Variants in EMCN observed in about 807,000 individuals in gnomAD.
EMCN encodes MUC-14.
Under a neutral mutation model 38.4 loss-of-function variants are expected in EMCN, and 37 were observed. That is an observed-to-expected ratio of 0.96 (90% CI 0.74 to 1.27). The LOEUF is 1.27. Among genes scored for constraint, EMCN ranks in the 50% most tolerant of loss-of-function variants. The pLI is 0.00. For missense variants in EMCN, 318 were observed against 302.8 expected (o/e 1.05, Z -0.37); for synonymous variants, 95 against 100.8 (o/e 0.94, Z 0.35).
At chr4:100,459,615 C>T (rs1257768299) in intron 4 of EMCN, among the ~76,000 whole-genome samples, 1 of 152,142 alleles carries the variant, frequency 6.6e-6, no homozygotes, top group Non-Finnish European at 1.5e-5. Context: ...AACTACCATT[C>T]TACTCTCTAT....
At chr4:100,504,688 C>T (rs536629545) in intron 1 of EMCN, among the ~76,000 whole-genome samples, 5 of 152,340 alleles carry the variant, frequency 3.3e-5, no homozygotes, top group East Asian at 1.9e-4. Context: ...GTGACGCCAG[C>T]GTCTGGGAAG....
rs1578404616 is a variant in EMCN, at chr4:100,425,581, T to C, written c.416-2177A>G. ...CCACATATATACATGGAGATTATAA[T>C]AGTTCTACATCATGGTATTGTGAAA... On this transcript the variant is annotated intron_variant, in intron 5 of 11. Coordinates refer to ENST00000296420, the MANE Select transcript of EMCN (RefSeq NM_016242.4). Among the ~76,000 whole-genome samples the C allele has an allele frequency of 3.3e-5, 5 of 152,210 alleles. 1 individual carries two copies. Among genetic ancestry groups the C allele is most frequent in the Admixed American group, 3.3e-4 (5 of 15,260 alleles).
At chr4:100,451,698 A>G (rs144039507) in intron 4 of EMCN, among the ~76,000 whole-genome samples, 181 of 152,122 alleles carry the variant, frequency 1.2e-3, no homozygotes, top group Admixed American at 2.5e-3. Context: ...CAGGGTTTTA[A>G]TCTTTTAAAT....
chr4:100,416,926 A>G (rs1234961391), intron 9 of EMCN, among the ~76,000 whole-genome samples, 191 bp downstream of exon 9: 1 of 152,088 alleles, frequency 6.6e-6, no homozygotes, highest in African/African-American at 2.4e-5. Context: ...CCATTTTACC[A>G]TTCTAAGATT....
intron 11 of EMCN, among the ~76,000 whole-genome samples, chr4:100,407,123 G>A (rs977067841): frequency 4.6e-5 from 7 of 152,110 alleles, no homozygotes; most frequent in Admixed American, 2.0e-4. Flanking sequence ...GTCCTTGAAT[G>A]TGAGATTGGT....
Position 100,417,034 on chromosome 4 carries a change from C to A in EMCN, c.689+83G>T, listed in dbSNP as rs565782775. 2.3e-5 allele frequency: 32 copies of A among 1,368,502 alleles called. No individual in the cohort carries two copies. The East Asian group carries it at 5.5e-4, about 24-fold the overall frequency. 84.8% of individuals were successfully genotyped at this position (1,368,502 alleles called of 1,614,324 possible). A position where few individuals can be genotyped will look rare whatever the true frequency, so the allele number is the denominator to read the frequency against. ...AGATTTTCTACACTTTAGAAATAAT[C>A]CAAAAAAGTATAAGTAGAGTAACAA... On this transcript the variant is annotated intron_variant, in intron 9 of 11. Transcript: ENST00000296420.
chr4:100,447,524 A>G lies in EMCN; in HGVS notation c.415+9T>C, dbSNP rs753967833. On this transcript the variant is annotated intron_variant, in intron 5 of 11. Transcript: ENST00000296420. ...ATACTAAGAGAGAGACAGAGAAAAA[A>G]GAGCTTACCTGGTATTTCTGTTGTT... The G allele has an allele frequency of 5.0e-6, 8 of 1,598,084 alleles. No homozygotes were observed. The highest frequency in any genetic ancestry group is 5.1e-6 in the Non-Finnish European group (6 of 1,167,180).
intron 1 of EMCN, among the ~76,000 whole-genome samples, chr4:100,497,046 T>G (rs1729224936): frequency 1.3e-5 from 2 of 151,842 alleles, no homozygotes; most frequent in African/African-American, 4.8e-5. Flanking sequence ...AGAAATAAAG[T>G]CAGGGAAGCC....
At chr4:100,450,649 T>C (rs937008156) in intron 4 of EMCN, among the ~76,000 whole-genome samples, 2 of 152,000 alleles carry the variant, frequency 1.3e-5, no homozygotes, top group Non-Finnish European at 2.9e-5. Context: ...ACTTCTCATC[T>C]GGCTAAACCA....
intron 4 of EMCN, among the ~76,000 whole-genome samples, chr4:100,457,429 T>C (rs1728049952): frequency 6.6e-6 from 1 of 152,226 alleles, no homozygotes; most frequent in African/African-American, 2.4e-5. Context: ...ATAAAGTTAC[T>C]TGTGGACTTT....
At chr4:100,516,466 T>A (rs1344821195) in intron 1 of EMCN, among the ~76,000 whole-genome samples, 1 of 152,090 alleles carries the variant, frequency 6.6e-6, no homozygotes, top group Non-Finnish European at 1.5e-5. Flanking sequence ...ATATTTTCCA[T>A]GGGATTGAGA....
At chr4:100,444,364 A>G (rs1321631533) in intron 5 of EMCN, among the ~76,000 whole-genome samples, 1 of 152,166 alleles carries the variant, frequency 6.6e-6, no homozygotes, top group Non-Finnish European at 1.5e-5. Flanking sequence ...TGTGTGCCAA[A>G]GGCTCTGAGC....
At chr4:100,494,627 T>C (rs962892765) in intron 1 of EMCN, among the ~76,000 whole-genome samples, 1 of 151,970 alleles carries the variant, frequency 6.6e-6, no homozygotes, top group African/African-American at 2.4e-5. Context: ...AAGACACAGA[T>C]GAGGACAGAA....
chr4:100,452,183 G>A (rs539577537), intron 4 of EMCN, among the ~76,000 whole-genome samples: 37 of 151,974 alleles, frequency 2.4e-4, no homozygotes, highest in Non-Finnish European at 3.4e-4. Context: ...TCTAAAATGC[G>A]TACTTGGTTA....
chr4:100,481,055 A>G (rs1728792066), intron 1 of EMCN, among the ~76,000 whole-genome samples: 1 of 152,126 alleles, frequency 6.6e-6, no homozygotes, highest in Admixed American at 6.6e-5. Flanking sequence ...GAGCAAGTGT[A>G]TAAGAGAATT....
At chr4:100,492,413 G>A (rs1310636782) in intron 1 of EMCN, among the ~76,000 whole-genome samples, 1 of 152,138 alleles carries the variant, frequency 6.6e-6, no homozygotes, top group East Asian at 1.9e-4. Flanking sequence ...ATACCATTAA[G>A]AGACCAAACA....
At chr4:100,401,876 C>G (rs1726269390) in intron 11 of EMCN, among the ~76,000 whole-genome samples, 1 of 152,098 alleles carries the variant, frequency 6.6e-6, no homozygotes, top group East Asian at 1.9e-4. Flanking sequence ...GGTGAGGGAG[C>G]AACCAGGTAG....
intron 4 of EMCN, among the ~76,000 whole-genome samples, chr4:100,461,750 T>C (rs542793804): frequency 1.3e-5 from 2 of 152,234 alleles, no homozygotes; most frequent in Non-Finnish European, 2.9e-5. Context: ...CTAACTCTTC[T>C]ACTCTAAATT....
At chr4:100,412,990 C>T (rs1726607527) in intron 10 of EMCN, among the ~76,000 whole-genome samples, 1 of 152,112 alleles carries the variant, frequency 6.6e-6, no homozygotes, top group East Asian at 1.9e-4. Context: ...GAAGATTTGG[C>T]ATCCCTTGGC....
Sources: allele counts gnomAD v4.1 joint callset (sites outside exome capture counted in the v4.1 genomes callset), GRCh38; gene constraint gnomAD v4.1.1; transcripts MANE v1.5; gene names NCBI Gene and HGNC (gene_info 2026-07-23, HGNC 2026-07-21).